The following CA10 variants were observed in gnomAD, a reference collection of about 807,000 sequenced individuals.
The protein encoded by CA10 is carbonic anhydrase-related protein 10.
Under a neutral mutation model 44.2 loss-of-function variants are expected in CA10, and 14 were observed. The ratio of observed to expected loss-of-function variants is 0.32; its 90% CI spans 0.21 to 0.50. CA10 has a LOEUF of 0.50. Ranked by LOEUF, CA10 falls within the 20% of genes least tolerant of loss-of-function variation. CA10 has a pLI of 0.99. For synonymous variants in CA10, 159 were observed against 141.6 expected (o/e 1.12, Z -0.87); for missense variants, 350 against 409.7 (o/e 0.85, Z 1.26).
At chr17:51,734,099 A>T (rs1210182803) in intron 4 of CA10, among the ~76,000 whole-genome samples, 2 of 147,162 alleles carry the variant, frequency 1.4e-5, no homozygotes, top group East Asian at 4.3e-4. Flanking sequence ...TTACTTTTTC[A>T]TCAAATGTCT....
chr17:51,784,557 A>G (rs184611010), intron 3 of CA10, among the ~76,000 whole-genome samples: 8 of 152,156 alleles, frequency 5.3e-5, no homozygotes, highest in Admixed American at 2.0e-4. Context: ...TAGACACTCA[A>G]CCTCCATGAG....
At chr17:51,682,310 G>A (rs1914874300) in intron 4 of CA10, among the ~76,000 whole-genome samples, 1 of 152,136 alleles carries the variant, frequency 6.6e-6, no homozygotes. Flanking sequence ...TCTGAGAGTT[G>A]GGCCAAGGCA....
chr17:51,878,893 G>GGT (rs375444434), intron 3 of CA10, among the ~76,000 whole-genome samples: 11,744 of 52,164 alleles, frequency 0.23, 2,597 homozygotes, highest in East Asian at 0.57. Flanking sequence ...TATATATATG[G>GGT]GTGTGTGTGT....
chr17:51,757,172 T>C (rs748508162), intron 3 of CA10, among the ~76,000 whole-genome samples: 23 of 152,134 alleles, frequency 1.5e-4, no homozygotes, highest in Non-Finnish European at 3.2e-4. Context: ...CTTAGTCTAG[T>C]TTTCTGCAAA....
At chr17:52,143,028 A>G (rs1389984535) in intron 1 of CA10, among the ~76,000 whole-genome samples, 2 of 152,172 alleles carry the variant, frequency 1.3e-5, no homozygotes, top group Non-Finnish European at 2.9e-5. Flanking sequence ...CTCCTCAAAG[A>G]TCTCCAATAC....
intron 1 of CA10, among the ~76,000 whole-genome samples, chr17:52,125,293 C>A (rs1000526156): frequency 4.6e-5 from 7 of 152,118 alleles, no homozygotes; most frequent in Non-Finnish European, 1.0e-4. Context: ...TGAAGGATCC[C>A]CCATCAGGTT....
At chr17:51,679,248 G>GTC (rs1226432719) in intron 4 of CA10, among the ~76,000 whole-genome samples, 1 of 85,796 alleles carries the variant, frequency 1.2e-5, no homozygotes. Flanking sequence ...CAGGGTCTGA[G>GTC]ACTGTTTTTC....
chr17:52,147,492 A>T (rs113056368), intron 1 of CA10, among the ~76,000 whole-genome samples: 61 of 136,534 alleles, frequency 4.5e-4, no homozygotes, highest in African/African-American at 1.5e-3. Context: ...AAGCAGATTT[A>T]AAAAAAAAAA....
intron 2 of CA10, among the ~76,000 whole-genome samples, chr17:51,974,855 T>C (rs1984409877): frequency 6.6e-6 from 1 of 152,054 alleles, no homozygotes; most frequent in African/African-American, 2.4e-5. Flanking sequence ...CCCAACAAAA[T>C]ATCTTTCAAA....
chr17:52,111,545 C>T (rs966957), intron 1 of CA10, among the ~76,000 whole-genome samples: 95,852 of 151,932 alleles, frequency 0.63, 32,512 homozygotes, highest in African/African-American at 0.88. Flanking sequence ...AGCAAATGAA[C>T]GAATAAGTAA....
intron 2 of CA10, among the ~76,000 whole-genome samples, chr17:52,057,357 G>A (rs1987257406): frequency 6.6e-6 from 1 of 151,956 alleles, no homozygotes; most frequent in Admixed American, 6.6e-5. Context: ...TGAAGACAAG[G>A]ATGAAGATCT....
intron 4 of CA10, among the ~76,000 whole-genome samples, chr17:51,717,640 TATATATAC>T (rs1916166773): frequency 1.5e-5 from 1 of 65,942 alleles, no homozygotes; most frequent in African/African-American, 4.5e-5. Context: ...TATATGCATG[TATATATAC>T]ATATATACGT....
rs1984164769 is a variant in CA10, at chr17:51,968,559, G to C, written c.137-37427C>G. On this transcript the variant is annotated intron_variant, in intron 2 of 8. Coordinates refer to ENST00000451037, the MANE Select transcript of CA10 (RefSeq NM_020178.5). ...GACACTATAGAGACAGACAGGTAGT[G>C]GCCAAAGGTTAGGAAATGGGGATTA... is the stretch of plus-strand genomic sequence containing the variant. Among the ~76,000 whole-genome samples, 7 of 151,972 alleles carry C rather than the reference G, an allele frequency of 4.6e-5. No individual in the cohort carries two copies. The South Asian group carries it at 1.5e-3, about 32-fold the overall frequency.
chr17:51,659,246 C>CT (rs756845574), intron 4 of CA10, among the ~76,000 whole-genome samples: 60 of 152,234 alleles, frequency 3.9e-4, no homozygotes, highest in Non-Finnish European at 7.8e-4. Flanking sequence ...GGGCATCCCT[C>CT]TTTCTTTGCC....
chr17:52,111,499 A>T (rs1988788290), intron 1 of CA10, among the ~76,000 whole-genome samples: 1 of 152,176 alleles, frequency 6.6e-6, no homozygotes. Flanking sequence ...TGTCTTGTGG[A>T]TCTACTGATG....
intron 3 of CA10, among the ~76,000 whole-genome samples, chr17:51,790,062 T>G (rs1363253172): frequency 1.3e-5 from 2 of 152,204 alleles, no homozygotes; most frequent in African/African-American, 2.4e-5. Context: ...CTTAGTGGCC[T>G]CCTTGGTTGC....
At chr17:51,834,022 T>G (rs1312567764) in intron 3 of CA10, among the ~76,000 whole-genome samples, 2 of 152,244 alleles carry the variant, frequency 1.3e-5, no homozygotes, top group Non-Finnish European at 2.9e-5. Flanking sequence ...TGTAACTTTC[T>G]TTTCCTATTT....
intron 3 of CA10, among the ~76,000 whole-genome samples, chr17:51,900,383 G>A (rs1453149740): frequency 6.6e-6 from 1 of 152,114 alleles, no homozygotes; most frequent in East Asian, 1.9e-4. Flanking sequence ...TAGGGTTCTT[G>A]CTGACAGAGC....
chr17:52,043,504 CAG>C (rs979847705), intron 2 of CA10, among the ~76,000 whole-genome samples: 1 of 151,936 alleles, frequency 6.6e-6, no homozygotes, highest in Non-Finnish European at 1.5e-5. Flanking sequence ...ATGTCATCTG[CAG>C]AGAGAGACCA....
Sources: allele counts gnomAD v4.1 joint callset (sites outside exome capture counted in the v4.1 genomes callset), GRCh38; gene constraint gnomAD v4.1.1; transcripts MANE v1.5; gene names NCBI Gene and HGNC (gene_info 2026-07-23, HGNC 2026-07-21).